The following TIPARP variants were observed in gnomAD, a reference collection of about 807,000 sequenced individuals.
TIPARP encodes the protein TCDD inducible poly(ADP-ribose) polymerase, also known as protein mono-ADP-ribosyltransferase TIPARP.
TIPARP carries 12 observed loss-of-function variants against 56.5 expected under a neutral mutation model. That is an observed-to-expected ratio of 0.21 (90% CI 0.14 to 0.34). TIPARP has a LOEUF of 0.34. TIPARP is among the 10% of genes least tolerant of loss of function. The pLI, the probability that TIPARP is intolerant of heterozygous loss-of-function variation, is 1.00. For missense variants in TIPARP, 604 were observed against 781.6 expected (o/e 0.77, Z 2.71); for synonymous variants, 296 against 265.7 (o/e 1.11, Z -1.11).
At chr3:156,681,094 T>C in intron 2 of TIPARP, 1 of 455,276 alleles carries the variant, frequency 2.2e-6, no homozygotes, top group Non-Finnish European at 4.4e-6. Context: ...GTTTTCCTTG[T>C]ATTCCAAAGC....
In TIPARP at chr3:156,703,397, A is replaced by G. The variant is rs371613472; in HGVS notation, c.1248-27A>G. On this transcript the variant is annotated intron_variant, in intron 4 of 5. Transcript: ENST00000295924. ...GTGTACTTATTTCTTAATGTTTTAC[A>G]TTGATGTTTCTTCCTCTCCATTTTA... 1,814 of 1,609,406 alleles carry G rather than the reference A, an allele frequency of 1.1e-3. 1 individual carries two copies. Among genetic ancestry groups the G allele is most frequent in the Admixed American group, 2.9e-3 (173 of 59,212 alleles).
intron 2 of TIPARP, among the ~76,000 whole-genome samples, chr3:156,686,060 G>A (rs1722420279): frequency 6.6e-6 from 1 of 152,134 alleles, no homozygotes; most frequent in African/African-American, 2.4e-5. Context: ...TGCCTTCTAA[G>A]GTTTAATTAC....
At chr3:156,697,311 G>C (rs1577040876) in intron 4 of TIPARP, among the ~76,000 whole-genome samples, 1 of 152,112 alleles carries the variant, frequency 6.6e-6, no homozygotes, top group Non-Finnish European at 1.5e-5. Flanking sequence ...AAGCAAGATA[G>C]AACTTCTGTG....
At chr3:156,686,068 T>G (rs930370461) in intron 2 of TIPARP, among the ~76,000 whole-genome samples, 12 of 152,206 alleles carry the variant, frequency 7.9e-5, no homozygotes, top group African/African-American at 2.7e-4. Flanking sequence ...AAGGTTTAAT[T>G]ACTCATCCTA....
At chr3:156,679,614 C>A (rs947073507) in intron 2 of TIPARP, among the ~76,000 whole-genome samples, 4 of 152,120 alleles carry the variant, frequency 2.6e-5, no homozygotes. Context: ...GTCCATGCTC[C>A]CTGATTGGGG....
In TIPARP at chr3:156,678,600, G is replaced by A; in HGVS notation, c.903G>A (p.Met301Ile). The change falls in exon 2 of 6, where the codon ATG becomes ATA. Residue 301 changes from methionine (M) to isoleucine (I), a missense_variant. By Grantham distance (10) the Met-to-Ile change is conservative (BLOSUM62 1). This residue lies in a region of TIPARP where 252 missense variants were observed against 303.9 expected (regional missense o/e 0.83). Transcript: ENST00000295924. The stretch of plus-strand genomic sequence containing the variant: ...ACTGTAACCCAGAAAATGATAGAAT[G>A]AGAATGAAGTATGGGTATGTATTTA... The part of the protein sequence containing the change: ...RFYCNPENDR[M>I]RMKYGGQEFW... 3.1e-6 allele frequency: 5 copies of A among 1,613,206 alleles called. No individual in the cohort carries two copies. The highest frequency in any genetic ancestry group is 4.2e-6 in the Non-Finnish European group (5 of 1,179,566).
At chr3:156,688,224 A>C (rs972019839) in intron 2 of TIPARP, among the ~76,000 whole-genome samples, 1 of 152,012 alleles carries the variant, frequency 6.6e-6, no homozygotes, top group Non-Finnish European at 1.5e-5. Flanking sequence ...AAAAATACAA[A>C]AATTAGCTGA....
chr3:156,686,218 G>A (rs1311622351), intron 2 of TIPARP, among the ~76,000 whole-genome samples: 3 of 152,136 alleles, frequency 2.0e-5, no homozygotes, highest in African/African-American at 4.8e-5. Context: ...GAAGCATTAT[G>A]TAAAGTGTTC....
intron 2 of TIPARP, among the ~76,000 whole-genome samples, chr3:156,679,746 T>G (rs146932142): frequency 1.4e-4 from 22 of 152,198 alleles, no homozygotes; most frequent in African/African-American, 4.6e-4. Context: ...GAGAAAACAA[T>G]TCCTTGAGTC....
At chr3:156,688,482 GC>G (rs150341932) in intron 2 of TIPARP, among the ~76,000 whole-genome samples, 6 of 140,168 alleles carry the variant, frequency 4.3e-5, no homozygotes, top group Non-Finnish European at 9.2e-5. Flanking sequence ...TTTTATTGCC[GC>G]CCCCCCCCGC....
intron 2 of TIPARP, among the ~76,000 whole-genome samples, chr3:156,680,836 A>T (rs1722281458): frequency 6.6e-6 from 1 of 152,184 alleles, no homozygotes; most frequent in East Asian, 1.9e-4. Context: ...AATGAAGTAA[A>T]CTAATGTTTA....
chr3:156,696,262 C>G (rs994284137), intron 4 of TIPARP, among the ~76,000 whole-genome samples: 1 of 152,038 alleles, frequency 6.6e-6, no homozygotes, highest in Non-Finnish European at 1.5e-5. Flanking sequence ...TAACATTTTT[C>G]CACAACTAAA....
chr3:156,676,767 A>G (rs1335165098), intron 1 of TIPARP: 1 of 152,128 alleles, frequency 6.6e-6, no homozygotes, highest in Non-Finnish European at 1.5e-5. Flanking sequence ...CGTCTCTTTC[A>G]GTAGTTGATT....
At chr3:156,695,281 A>G (rs1722684302) in intron 3 of TIPARP, among the ~76,000 whole-genome samples, 1 of 151,992 alleles carries the variant, frequency 6.6e-6, no homozygotes, top group Non-Finnish European at 1.5e-5. Flanking sequence ...TGGCACAATC[A>G]TAGCTCACTA....
chr3:156,680,805 C>T (rs1049499534), intron 2 of TIPARP, among the ~76,000 whole-genome samples: 27 of 152,236 alleles, frequency 1.8e-4, no homozygotes, highest in Non-Finnish European at 3.5e-4. Flanking sequence ...GCAGTGGGTG[C>T]TTGATTTCCA....
chr3:156,693,670 A>G (rs1385884357), intron 2 of TIPARP, among the ~76,000 whole-genome samples: 2 of 152,194 alleles, frequency 1.3e-5, no homozygotes, highest in African/African-American at 2.4e-5. Flanking sequence ...GTTTCTACAT[A>G]TAGCATCATA....
At chr3:156,692,505 T>C (rs886311512) in intron 2 of TIPARP, among the ~76,000 whole-genome samples, 4 of 152,098 alleles carry the variant, frequency 2.6e-5, no homozygotes, top group African/African-American at 9.7e-5. Context: ...TTAATTAATA[T>C]TATATGTTGT....
In TIPARP at chr3:156,704,818, A is replaced by G. The variant is rs1722939705; in HGVS notation, c.1661A>G (p.Lys554Arg). The change falls in exon 6 of 6, where the codon AAG becomes AGG. Residue 554 changes from lysine (K) to arginine (R), a missense_variant. Physicochemically the swap from Lys to Arg is conservative, Grantham distance 26. Transcript: ENST00000295924. Reference protein sequence around the residue: ...KHNFDPRVCGKHATMFGQGSY... With the variant: ...KHNFDPRVCGRHATMFGQGSY... Reference sequence around the variant, plus strand: ...AACTTTGACCCTCGAGTCTGTGGAAAGCATGCTACAATGTTTGGACAAGGC... The same window carrying G: ...AACTTTGACCCTCGAGTCTGTGGAAGGCATGCTACAATGTTTGGACAAGGC... The G allele has an allele frequency of 6.2e-7, 1 of 1,614,240 alleles. No individual in the cohort carries two copies. Among genetic ancestry groups the G allele is most frequent in the South Asian group, 1.1e-5 (1 of 91,084 alleles).
intron 2 of TIPARP, among the ~76,000 whole-genome samples, chr3:156,690,151 T>G (rs980877729): frequency 6.6e-6 from 1 of 152,206 alleles, no homozygotes. Context: ...TTACACTCTT[T>G]ACTGAGCTCC....
Sources: gnomAD v4.1 joint callset for allele counts (sites outside exome capture counted in the v4.1 genomes callset) on GRCh38, gnomAD v4.1.1 for gene constraint, gnomAD v4.1.1 regional missense constraint, MANE v1.5 for transcripts, NCBI Gene and HGNC (gene_info 2026-07-23, HGNC 2026-07-21) for gene names.